Variants in KCNK2 observed in about 807,000 individuals in gnomAD.
KCNK2 encodes the protein potassium two pore domain channel subfamily K member 2.
Under a neutral mutation model 40.5 loss-of-function variants are expected in KCNK2, and 21 were observed. The observed-to-expected ratio is 0.52, with a 90% CI of 0.37 to 0.75. The LOEUF is 0.75. Ranked by LOEUF, KCNK2 falls within the 30% of genes least tolerant of loss-of-function variation. The pLI is 0.00. For synonymous variants in KCNK2, 191 were observed against 202.2 expected (o/e 0.94, Z 0.47); for missense variants, 399 against 531.6 (o/e 0.75, Z 2.45).
intron 6 of KCNK2, among the ~76,000 whole-genome samples, chr1:215,219,948 A>T (rs1666106439): frequency 6.6e-6 from 1 of 152,192 alleles, no homozygotes; most frequent in Non-Finnish European, 1.5e-5. Context: ...GACTCAACTT[A>T]CAGTTTCTCT....
At chr1:215,060,889 C>T (rs1286717296) in intron 1 of KCNK2, among the ~76,000 whole-genome samples, 1 of 152,000 alleles carries the variant, frequency 6.6e-6, no homozygotes, top group African/African-American at 2.4e-5. Context: ...TATGATTGTG[C>T]AACTAGAAGA....
At chr1:215,198,375 G>A (rs1322710764) in intron 6 of KCNK2, among the ~76,000 whole-genome samples, 1 of 152,096 alleles carries the variant, frequency 6.6e-6, no homozygotes, top group Admixed American at 6.5e-5. Flanking sequence ...GTAATTTAGG[G>A]AACTGCAAAA....
chr1:215,119,825 C>T (rs1661102557), intron 2 of KCNK2, among the ~76,000 whole-genome samples: 2 of 152,080 alleles, frequency 1.3e-5, no homozygotes, highest in African/African-American at 4.8e-5. Context: ...GTTACTTTAG[C>T]CACATAATGT....
intron 2 of KCNK2, among the ~76,000 whole-genome samples, chr1:215,099,403 C>T (rs561954807): frequency 1.3e-5 from 2 of 151,824 alleles, no homozygotes; most frequent in African/African-American, 4.8e-5. Flanking sequence ...ACTAAGGATT[C>T]TTTTGGATTT....
intron 1 of KCNK2, among the ~76,000 whole-genome samples, chr1:215,018,738 C>T (rs192545134): frequency 6.6e-6 from 1 of 152,304 alleles, no homozygotes; most frequent in Non-Finnish European, 1.5e-5. Context: ...ATTTCAGGAT[C>T]ATTTAGTCAT....
chr1:215,013,227 T>C (rs1422225493), intron 1 of KCNK2, among the ~76,000 whole-genome samples: 2 of 152,192 alleles, frequency 1.3e-5, no homozygotes, highest in African/African-American at 4.8e-5. Context: ...ATTAACACAA[T>C]CTGTTGGAAA....
intron 6 of KCNK2, among the ~76,000 whole-genome samples, chr1:215,200,960 G>T (rs563377551): frequency 6.6e-6 from 1 of 152,122 alleles, no homozygotes; most frequent in Non-Finnish European, 1.5e-5. Flanking sequence ...TTGCATCTGC[G>T]TGCCTGGAAT....
intron 2 of KCNK2, among the ~76,000 whole-genome samples, chr1:215,102,556 A>G (rs539047494): frequency 6.6e-6 from 1 of 152,162 alleles, no homozygotes; most frequent in East Asian, 1.9e-4. Flanking sequence ...TAATGGATTT[A>G]GTAGCCTAGG....
intron 6 of KCNK2, among the ~76,000 whole-genome samples, chr1:215,210,073 A>G (rs1665669733): frequency 1.5e-5 from 1 of 66,000 alleles, no homozygotes; most frequent in Non-Finnish European, 2.7e-5. Flanking sequence ...ATACAAATAC[A>G]CTATAGATAT....
chr1:215,028,381 A>T (rs994490914), intron 1 of KCNK2, among the ~76,000 whole-genome samples: 1 of 152,144 alleles, frequency 6.6e-6, no homozygotes, highest in South Asian at 2.1e-4. Context: ...GCAAAACTCC[A>T]TCTCAAAAAA....
At chr1:215,131,425 ATAT>A (rs1036849997) in intron 3 of KCNK2, among the ~76,000 whole-genome samples, 81 of 146,940 alleles carry the variant, frequency 5.5e-4, no homozygotes, top group South Asian at 3.1e-3. Context: ...TTATATAATT[ATAT>A]TATTATGTAT....
intron 6 of KCNK2, among the ~76,000 whole-genome samples, chr1:215,202,208 C>T (rs1665108432): frequency 6.6e-6 from 1 of 152,120 alleles, no homozygotes; most frequent in Admixed American, 6.5e-5. Context: ...GCTGTTCAAA[C>T]TAAGGAATAC....
At chr1:215,177,721 T>C (rs1335553628) in intron 5 of KCNK2, among the ~76,000 whole-genome samples, 1 of 62,940 alleles carries the variant, frequency 1.6e-5, no homozygotes, top group African/African-American at 5.4e-5. Flanking sequence ...TATATATATG[T>C]GTATATATAT....
chr1:215,046,398 G>A (rs1009110981), intron 1 of KCNK2, among the ~76,000 whole-genome samples: 4 of 151,674 alleles, frequency 2.6e-5, no homozygotes, highest in African/African-American at 4.8e-5. Context: ...TGTGAATATG[G>A]TTGGGGACTA....
At chr1:215,188,811 A>T (rs995702837) in intron 5 of KCNK2, among the ~76,000 whole-genome samples, 1 of 152,186 alleles carries the variant, frequency 6.6e-6, no homozygotes, top group African/African-American at 2.4e-5. Flanking sequence ...CCACCATCAC[A>T]ATGGCTCAGA....
At chr1:215,190,070 T>A (rs993655805) in intron 5 of KCNK2, among the ~76,000 whole-genome samples, 1 of 152,110 alleles carries the variant, frequency 6.6e-6, no homozygotes, top group African/African-American at 2.4e-5. Context: ...TAGTCCGGAG[T>A]GGCTAGGTTA....
intron 1 of KCNK2, among the ~76,000 whole-genome samples, chr1:215,037,199 T>C (rs2102490030): frequency 6.6e-6 from 1 of 151,996 alleles, no homozygotes; most frequent in East Asian, 1.9e-4. Context: ...CAATTATTTA[T>C]CTGGTTTAGA....
chr1:215,230,592 T>C (rs1357434985), intron 6 of KCNK2, among the ~76,000 whole-genome samples: 2 of 94,622 alleles, frequency 2.1e-5, no homozygotes, highest in African/African-American at 1.2e-4. Flanking sequence ...CCGTAATATA[T>C]ATATATATAT....
chr1:215,070,601 T>G (rs972733127), intron 1 of KCNK2, among the ~76,000 whole-genome samples: 2 of 151,956 alleles, frequency 1.3e-5, no homozygotes, highest in African/African-American at 4.8e-5. Flanking sequence ...TCAGATTTTG[T>G]GAGACTTATT....
Sources: gnomAD v4.1 joint callset for allele counts (sites outside exome capture counted in the v4.1 genomes callset) on GRCh38, gnomAD v4.1.1 for gene constraint, MANE v1.5 for transcripts, NCBI Gene and HGNC (gene_info 2026-07-23, HGNC 2026-07-21) for gene names.